Variants in SCARB1 observed in about 807,000 individuals in gnomAD.
SCARB1 encodes CD36 and LIMPII analogous 1.
In SCARB1, 30 loss-of-function variants were observed where a neutral mutation model predicts 57.2. That is an observed-to-expected ratio of 0.52 (90% CI 0.39 to 0.71). The LOEUF (loss-of-function observed/expected upper bound fraction) is 0.71. Among genes scored for constraint, SCARB1 ranks in the 30% least tolerant of loss-of-function variants. The pLI is 0.00. For missense variants in SCARB1, 543 were observed against 671.2 expected (o/e 0.81, Z 2.11); for synonymous variants, 249 against 268.3 (o/e 0.93, Z 0.70).
At chr12:124,827,502 C>A (rs1026753151) in intron 1 of SCARB1, among the ~76,000 whole-genome samples, 6 of 152,040 alleles carry the variant, frequency 3.9e-5, no homozygotes, top group Non-Finnish European at 5.9e-5. Context: ...TGTTTCTTTC[C>A]ATCTTTTTGC....
chr12:124,787,329 T>TC (rs1949560130), intron 10 of SCARB1, 77 bp downstream of exon 10: 7 of 1,358,234 alleles, frequency 5.2e-6, no homozygotes, highest in African/African-American at 4.3e-5. Context: ...TACAAGCTGC[T>TC]CCCCCCGCCT....
At position 124,788,792 on chromosome 12, in the gene SCARB1, G is replaced by T. The variant is rs141429637; in HGVS notation, c.1203-1335C>A. ...ATATACCTCACGACCCAGCAATTACGCTCTTCAGAAACTGCCCTAGAGATG... is the reference window on the plus strand; with the variant it reads ...ATATACCTCACGACCCAGCAATTACTCTCTTCAGAAACTGCCCTAGAGATG... On this transcript the variant is annotated intron_variant, in intron 9 of 12. Coordinates refer to ENST00000261693, the MANE Select transcript of SCARB1 (RefSeq NM_005505.5). Among the ~76,000 whole-genome samples the T allele has an allele frequency of 1.2e-3, 176 of 152,214 alleles. 2 individuals are homozygous for T. Among genetic ancestry groups the T allele is most frequent in the African/African-American group, 3.8e-3 (158 of 41,508 alleles).
Position 124,811,882 on chromosome 12 carries a change from G to A in SCARB1, c.714C>T (p.Asn238=), listed in dbSNP as rs186213925. 2.0e-5 allele frequency: 33 copies of A among 1,611,702 alleles called. No individual in the cohort carries two copies. Among genetic ancestry groups the A allele is most frequent in the Middle Eastern group, 3.3e-4 (2 of 6,058 alleles). The part of the protein sequence containing the change: ...ISRIHLVDKW[N]GLSKVDFWHS... ...TCTCGCCCCTCACCTTGCTCAGCCC[G>A]TTCCACTTGTCCACGAGGTGGATCC... Residue 238 remains asparagine, a synonymous_variant, in exon 5 of 13, where the codon AAC becomes AAT. Coordinates refer to ENST00000261693, the MANE Select transcript of SCARB1 (RefSeq NM_005505.5).
At chr12:124,846,813 T>C (rs1366359638) in intron 1 of SCARB1, among the ~76,000 whole-genome samples, 1 of 147,516 alleles carries the variant, frequency 6.8e-6, no homozygotes, top group African/African-American at 2.5e-5. Flanking sequence ...AACTGTGATA[T>C]GACATGGCCA....
At chr12:124,863,568 G>A (rs779384766) in intron 1 of SCARB1, 27 bp downstream of exon 1, 2 of 1,594,266 alleles carry the variant, frequency 1.3e-6, no homozygotes, top group East Asian at 2.3e-5. Flanking sequence ...GTCCGTGCGC[G>A]GACCCCCTGG....
At chr12:124,844,925 C>T (rs1218776596) in intron 1 of SCARB1, among the ~76,000 whole-genome samples, 1 of 151,828 alleles carries the variant, frequency 6.6e-6, no homozygotes, top group Non-Finnish European at 1.5e-5. Flanking sequence ...ACTCAGACAC[C>T]CACCAGAGAC....
chr12:124,814,165 G>A lies in SCARB1; in HGVS notation c.630+37C>T, dbSNP rs749537476. 6.3e-6 allele frequency: 10 copies of A among 1,589,338 alleles called. No individual in the cohort carries two copies. Among genetic ancestry groups the A allele is most frequent in the Non-Finnish European group, 8.6e-6 (10 of 1,157,750 alleles). On this transcript the variant is annotated intron_variant, in intron 4 of 12. Transcript: ENST00000261693. This position sits in a 1 kb window ranked among gnomAD's most constrained non-coding sequence, Gnocchi z 4.7. ...CTGTGTGAGGGGAAGACAGGACACA[G>A]GCCTGAATCTTTGGCTTCTCACCAG...
intron 1 of SCARB1, among the ~76,000 whole-genome samples, chr12:124,857,508 G>A (rs948596245): frequency 6.6e-6 from 1 of 152,186 alleles, no homozygotes; most frequent in African/African-American, 2.4e-5. Flanking sequence ...GTGAGCTAAA[G>A]AGCCTGAGGC....
intron 12 of SCARB1, among the ~76,000 whole-genome samples, chr12:124,780,322 A>C (rs967701022): frequency 2.0e-5 from 3 of 152,224 alleles, no homozygotes; most frequent in Non-Finnish European, 2.9e-5. Flanking sequence ...GCCCTACAGC[A>C]GGCCTCATCT....
intron 1 of SCARB1, among the ~76,000 whole-genome samples, chr12:124,848,346 T>C (rs1406106669): frequency 1.3e-5 from 2 of 152,218 alleles, no homozygotes; most frequent in Non-Finnish European, 2.9e-5. Flanking sequence ...CCTCCCACAG[T>C]GCTGGGATTA....
At position 124,810,076 on chromosome 12, in the gene SCARB1, C is replaced by A. The variant is rs575552261; in HGVS notation, c.842+98G>T. 5 of 782,764 alleles carry A rather than the reference C, an allele frequency of 6.4e-6. No homozygotes were observed. Among genetic ancestry groups the A allele is most frequent in the South Asian group, 5.8e-5 (4 of 69,236 alleles). The allele number at this position is 782,764 out of a possible 1,614,324, so 48.5% of individuals were successfully genotyped here. ...GCCAAGGGCTACTGAGTCAAATCCA[C>A]GATGAGTCAAAATGCTTTCCAAGTG... On this transcript the variant is annotated intron_variant, in intron 6 of 12. Transcript: ENST00000261693. This position sits in a 1 kb window ranked among gnomAD's most constrained non-coding sequence, Gnocchi z 4.0.
At chr12:124,819,808 C>T (rs914673637) in intron 1 of SCARB1, among the ~76,000 whole-genome samples, 1 of 152,236 alleles carries the variant, frequency 6.6e-6, no homozygotes, top group African/African-American at 2.4e-5. Context: ...CCGGAAGGAG[C>T]AGATTTGGAG....
rs542972166 is a variant in SCARB1 at position 124,810,122 on chromosome 12, T to G, written c.842+52A>C. On this transcript the variant is annotated intron_variant, in intron 6 of 12. Coordinates refer to ENST00000261693, the MANE Select transcript of SCARB1 (RefSeq NM_005505.5). This position sits in a 1 kb window ranked among gnomAD's most constrained non-coding sequence, Gnocchi z 4.0. ...AAGTGCACAGCCAACACCACAGAAT[T>G]TGGCCATGAGCTACCCAGGAAACCC... is the stretch of plus-strand genomic sequence containing the variant. 1.7e-6 allele frequency: 2 copies of G among 1,159,494 alleles called. No homozygotes were observed. Among genetic ancestry groups the G allele is most frequent in the African/African-American group, 3.0e-5 (2 of 66,172 alleles). 71.8% of individuals were successfully genotyped at this position (1,159,494 alleles called of 1,614,324 possible).
chr12:124,833,347 G>A (rs1379820889), intron 1 of SCARB1, among the ~76,000 whole-genome samples: 8 of 151,930 alleles, frequency 5.3e-5, no homozygotes, highest in South Asian at 2.1e-4. Context: ...ACACCACCAC[G>A]CCTGGCTAAT....
chr12:124,790,104 G>A lies in SCARB1; in HGVS notation c.1203-2647C>T, dbSNP rs183978598. Among the ~76,000 whole-genome samples, 250 of 152,224 alleles carry A rather than the reference G, an allele frequency of 1.6e-3. 1 individual carries two copies. The highest frequency in any genetic ancestry group is 5.9e-3 in the African/African-American group (245 of 41,514). ...TTTAAAGAGGGAGAGGCCAAGTGCAGTGGTTCACGCCTGTAATCCCAGCAC... is the reference window on the plus strand; with the variant it reads ...TTTAAAGAGGGAGAGGCCAAGTGCAATGGTTCACGCCTGTAATCCCAGCAC... On this transcript the variant is annotated intron_variant, in intron 9 of 12. Transcript: ENST00000261693.
intron 1 of SCARB1, among the ~76,000 whole-genome samples, chr12:124,821,937 A>C (rs7308931): frequency 6.6e-6 from 1 of 152,134 alleles, no homozygotes; most frequent in Non-Finnish European, 1.5e-5. Context: ...GGCTGATTCT[A>C]TGATTCTGTC....
chr12:124,823,499 T>C (rs1381559605), intron 1 of SCARB1, among the ~76,000 whole-genome samples: 1 of 152,046 alleles, frequency 6.6e-6, no homozygotes, highest in African/African-American at 2.4e-5. Context: ...GGCAAGGGTG[T>C]GGGAACTGGA....
intron 12 of SCARB1, among the ~76,000 whole-genome samples, chr12:124,782,252 A>C (rs2135524367): frequency 6.6e-6 from 1 of 152,300 alleles, no homozygotes; most frequent in South Asian, 2.1e-4. Context: ...ATGTTTCTAC[A>C]TCAGAATCTC....
At chr12:124,779,135 T>G (rs918720322) in intron 12 of SCARB1, among the ~76,000 whole-genome samples, 1 of 151,878 alleles carries the variant, frequency 6.6e-6, no homozygotes, top group Non-Finnish European at 1.5e-5. Context: ...TAATTTTTTG[T>G]AGAGATCAGG....
Sources: gnomAD v4.1 joint callset for allele counts (sites outside exome capture counted in the v4.1 genomes callset) on GRCh38, gnomAD v4.1.1 for gene constraint, Gnocchi (gnomAD v3.1) non-coding constraint, MANE v1.5 for transcripts, NCBI Gene and HGNC (gene_info 2026-07-23, HGNC 2026-07-21) for gene names.